LARP1B: variants seen among roughly 807,000 people sequenced by gnomAD.
The protein encoded by LARP1B is la-related protein 1B.
LARP1B carries 76 observed loss-of-function variants against 114.2 expected under a neutral mutation model. The observed-to-expected ratio is 0.67, with a 90% CI of 0.55 to 0.81. The LOEUF (loss-of-function observed/expected upper bound fraction) is 0.81. Ranked by LOEUF, LARP1B falls within the 30% of genes least tolerant of loss-of-function variation. The pLI is 0.00. For synonymous variants in LARP1B, 345 were observed against 348.0 expected (o/e 0.99, Z 0.10); for missense variants, 1,014 against 1,075.8 (o/e 0.94, Z 0.80).
In LARP1B at chr4:128,077,880, A is replaced by G. The variant is rs761014111; in HGVS notation, c.135A>G (p.Lys45=). ...KVEKRSNSDS[K]ENRETKLNGP... ...AAAAGAGAAGTAACAGTGACAGCAA[A>G]GAAAACCGGGAAACAAAATTAAATG... The change falls in exon 4 of 20, where the codon AAA becomes AAG. Residue 45 remains lysine, a synonymous_variant. Coordinates refer to ENST00000326639, the MANE Select transcript of LARP1B (RefSeq NM_018078.4). 8.7e-6 allele frequency: 14 copies of G among 1,613,698 alleles called. No homozygotes were observed. The highest frequency in any genetic ancestry group is 2.2e-5 in the South Asian group (2 of 90,924).
At chr4:128,188,793 T>TAA (rs1181450969) in intron 15 of LARP1B, among the ~76,000 whole-genome samples, 1 of 152,232 alleles carries the variant, frequency 6.6e-6, no homozygotes, top group African/African-American at 2.4e-5. Flanking sequence ...ATTTCCACGT[T>TAA]TGTGTAGATT....
chr4:128,199,081 C>T (rs1755132665), intron 15 of LARP1B, among the ~76,000 whole-genome samples: 1 of 152,150 alleles, frequency 6.6e-6, no homozygotes, highest in African/African-American at 2.4e-5. Context: ...CAATTTACAT[C>T]ACTAACCTAA....
chr4:128,161,785 C>A (rs1157692745), intron 11 of LARP1B, among the ~76,000 whole-genome samples: 2 of 152,152 alleles, frequency 1.3e-5, no homozygotes, highest in Non-Finnish European at 2.9e-5. Context: ...CAATATCGCT[C>A]TTCACATACT....
At position 128,122,424 on chromosome 4, in the gene LARP1B, T is replaced by C. The variant is rs1580701761; in HGVS notation, c.1524+236T>C. The C allele has an allele frequency of 1.7e-5, 26 of 1,498,350 alleles. No individual in the cohort carries two copies. The East Asian group carries it at 6.4e-4, about 37-fold the overall frequency. The allele number at this position is 1,498,350 out of a possible 1,614,324, so 92.8% of individuals were successfully genotyped here. On this transcript the variant is annotated intron_variant, in intron 11 of 19. Transcript: ENST00000326639. Reference sequence around the variant, plus strand: ...ATTACAAAAGAAAATTAGTACTCACTGACTTATACCCTTGTTTTTTTTTTT... The same window carrying C: ...ATTACAAAAGAAAATTAGTACTCACCGACTTATACCCTTGTTTTTTTTTTT...
At chr4:128,096,195 G>A (rs946739793) in intron 7 of LARP1B, among the ~76,000 whole-genome samples, 9 of 151,792 alleles carry the variant, frequency 5.9e-5, no homozygotes, top group African/African-American at 1.5e-4. Context: ...GGGTTTCACC[G>A]TGTTAGCCAG....
chr4:128,085,432 C>G (rs1159992270), intron 5 of LARP1B, among the ~76,000 whole-genome samples: 1 of 140,262 alleles, frequency 7.1e-6, no homozygotes, highest in Non-Finnish European at 1.5e-5. Flanking sequence ...GTGGGACAGT[C>G]ATAGCTCACT....
At chr4:128,082,798 TTTC>T (rs1771032133) in intron 5 of LARP1B, among the ~76,000 whole-genome samples, 1 of 89,114 alleles carries the variant, frequency 1.1e-5, no homozygotes, top group South Asian at 4.5e-4. Flanking sequence ...AATATATCAT[TTTC>T]TTCTTTTTTT....
Position 128,096,554 on chromosome 4 carries a change from A to G in LARP1B, c.669-1632A>G, listed in dbSNP as rs540360295. Among the ~76,000 whole-genome samples the G allele has an allele frequency of 2.3e-4, 35 of 151,822 alleles. No homozygotes were observed. In the South Asian group the frequency reaches 6.7e-3, roughly 29 times the overall value. ...TGCTTCCATGTGCCTCATGGTGTCA[A>G]GGATATTCCTTCTTTAGCTATATTC... is the stretch of plus-strand genomic sequence containing the variant. On this transcript the variant is annotated intron_variant, in intron 7 of 19. Transcript: ENST00000326639.
chr4:128,130,535 C>T (rs1791228381), intron 11 of LARP1B, among the ~76,000 whole-genome samples: 2 of 152,180 alleles, frequency 1.3e-5, no homozygotes, highest in Non-Finnish European at 2.9e-5. Context: ...AAAACAATAA[C>T]CAAATGCTTG....
At chr4:128,205,264 T>C (rs991799645) in intron 17 of LARP1B, among the ~76,000 whole-genome samples, 2 of 152,212 alleles carry the variant, frequency 1.3e-5, no homozygotes, top group African/African-American at 2.4e-5. Context: ...CCAGTTAATA[T>C]TATGTTAGCA....
chr4:128,177,295 G>A (rs559865214), intron 13 of LARP1B, among the ~76,000 whole-genome samples: 7 of 152,280 alleles, frequency 4.6e-5, no homozygotes, highest in East Asian at 3.9e-4. Flanking sequence ...TTACAAATTC[G>A]TGCCTAGAAT....
At chr4:128,155,902 T>C in intron 11 of LARP1B, 1 of 1,550,096 alleles carries the variant, frequency 6.5e-7, no homozygotes, top group Non-Finnish European at 8.9e-7. Context: ...CTGACCCATC[T>C]GCAAAATCCC....
At chr4:128,184,717 A>G (rs1029576741) in intron 15 of LARP1B, among the ~76,000 whole-genome samples, 7 of 152,286 alleles carry the variant, frequency 4.6e-5, no homozygotes, top group Non-Finnish European at 8.8e-5. Flanking sequence ...GTACCTGTTA[A>G]ATAACTGCTT....
chr4:128,137,196 T>C lies in LARP1B; in HGVS notation c.1524+15008T>C, dbSNP rs1725692157. On this transcript the variant is annotated intron_variant, in intron 11 of 19. Coordinates refer to ENST00000326639, the MANE Select transcript of LARP1B (RefSeq NM_018078.4). ...GTGAGCAGAGATTGTGCCACTGCAC[T>C]TCAACCTGGGCGACAGAGCAAGAGT... is the stretch of plus-strand genomic sequence containing the variant. 3.3e-5 allele frequency among the ~76,000 whole-genome samples: 5 copies of C among 152,152 alleles called. No individual in the cohort carries two copies. The South Asian group carries it at 1.0e-3, about 32-fold the overall frequency.
chr4:128,110,146 C>T (rs2149832629), intron 9 of LARP1B, among the ~76,000 whole-genome samples: 1 of 152,208 alleles, frequency 6.6e-6, no homozygotes, highest in African/African-American at 2.4e-5. Context: ...TTGTGATCAG[C>T]CCACCTCGGC....
chr4:128,163,518 A>G (rs1739414299), intron 12 of LARP1B, among the ~76,000 whole-genome samples: 1 of 152,190 alleles, frequency 6.6e-6, no homozygotes, highest in African/African-American at 2.4e-5. Context: ...TTTAATCATT[A>G]CGTCTTACCT....
At chr4:128,068,402 C>T (rs1355303563) in intron 1 of LARP1B, among the ~76,000 whole-genome samples, 2 of 151,624 alleles carry the variant, frequency 1.3e-5, no homozygotes, top group East Asian at 2.0e-4. Context: ...CTCACTGCAG[C>T]CTAGAACTCC....
chr4:128,101,146 C>T (rs533163360), intron 8 of LARP1B, among the ~76,000 whole-genome samples: 1 of 150,250 alleles, frequency 6.7e-6, no homozygotes, highest in East Asian at 2.0e-4. Flanking sequence ...CTTTGAATAG[C>T]AAGTTTTTGA....
Position 128,183,905 on chromosome 4 carries a change from G to A in LARP1B, c.2003+4393G>A, listed in dbSNP as rs573884561. Among the ~76,000 whole-genome samples the A allele has an allele frequency of 5.3e-5, 8 of 152,282 alleles. No individual in the cohort carries two copies. The East Asian group carries it at 1.4e-3, about 26-fold the overall frequency. On this transcript the variant is annotated intron_variant, in intron 15 of 19. Coordinates refer to ENST00000326639, the MANE Select transcript of LARP1B (RefSeq NM_018078.4). ...TTTGAGAGGCTCAGACTTCAGTGGA[G>A]GATTTAATTACAGATGTGGTGGAAA...
Sources: allele counts gnomAD v4.1 joint callset (sites outside exome capture counted in the v4.1 genomes callset), GRCh38; gene constraint gnomAD v4.1.1; transcripts MANE v1.5; gene names NCBI Gene and HGNC (gene_info 2026-07-23, HGNC 2026-07-21).